CC2D2B: variants seen among roughly 807,000 people sequenced by gnomAD.
CC2D2B encodes protein CC2D2B.
A neutral mutation model predicts 161.2 loss-of-function variants in CC2D2B; 128 were observed. That is an observed-to-expected ratio of 0.79 (90% CI 0.69 to 0.92). CC2D2B has a LOEUF of 0.92. Among genes scored for constraint, CC2D2B ranks in the 40% least tolerant of loss-of-function variants. The pLI, the probability that CC2D2B is intolerant of heterozygous loss-of-function variation, is 0.00. For missense variants in CC2D2B, 1,173 were observed against 1,375.1 expected, an observed-to-expected ratio of 0.85 and a Z score of 2.32; for synonymous variants, 391 against 449.8, an observed-to-expected ratio of 0.87 and a Z score of 1.65.
At chr10:95,955,204 T>C (rs980228433) in intron 10 of CC2D2B, among the ~76,000 whole-genome samples, 190 bp from the exon 11 acceptor site, 1 of 152,056 alleles carries the variant, frequency 6.6e-6, no homozygotes, top group African/African-American at 2.4e-5. Context: ...ATTGCCTACA[T>C]AGATATTGAG....
rs542380906 is a variant in CC2D2B, at chr10:96,012,519, C to T, written c.3229-13C>T. 1.7e-5 allele frequency: 26 copies of T among 1,549,906 alleles called. No individual in the cohort carries two copies. In the Middle Eastern group the frequency reaches 5.1e-4, roughly 30 times the overall value. On this transcript the variant is annotated splice_polypyrimidine_tract_variant and intron_variant, in intron 27 of 34. Coordinates refer to ENST00000646931, the MANE Select transcript of CC2D2B (RefSeq NM_001349008.3). Reference sequence around the variant, plus strand: ...TACAGTACAATTCTGAAATACTTTACATTTTATTGTAGTTTTTAGATCAAA... The same window carrying T: ...TACAGTACAATTCTGAAATACTTTATATTTTATTGTAGTTTTTAGATCAAA...
At chr10:95,960,623 C>T (rs2076729705) in intron 11 of CC2D2B, among the ~76,000 whole-genome samples, 1 of 152,122 alleles carries the variant, frequency 6.6e-6, no homozygotes, top group Admixed American at 6.6e-5. Flanking sequence ...AGTGGTCCTC[C>T]CACCTCAGTC....
intron 23 of CC2D2B, among the ~76,000 whole-genome samples, chr10:95,995,796 A>G (rs182801862): frequency 9.3e-4 from 141 of 152,298 alleles, no homozygotes; most frequent in Non-Finnish European, 1.1e-3. Flanking sequence ...TGCTCTCCTT[A>G]TTGTCACCCC....
chr10:96,024,757 G>A (rs1289863231), intron 32 of CC2D2B, 96 bp from the exon 33 acceptor site: 4 of 647,164 alleles, frequency 6.2e-6, no homozygotes, highest in South Asian at 5.7e-5. Flanking sequence ...CAGAAGCCTG[G>A]TTTGTCTTCC....
At chr10:95,929,115 C>A (rs182438983) in intron 6 of CC2D2B, among the ~76,000 whole-genome samples, 4 of 152,286 alleles carry the variant, frequency 2.6e-5, no homozygotes, top group African/African-American at 9.6e-5. Flanking sequence ...GATGGTATCT[C>A]ATTGTGGCTT....
chr10:96,005,441 T>A (rs900342318), intron 25 of CC2D2B, among the ~76,000 whole-genome samples: 1 of 152,190 alleles, frequency 6.6e-6, no homozygotes, highest in African/African-American at 2.4e-5. Flanking sequence ...TTAGGGTAGC[T>A]ATGGGCCAAA....
intron 19 of CC2D2B, among the ~76,000 whole-genome samples, chr10:95,987,796 G>T (rs2077790806): frequency 6.6e-6 from 1 of 152,108 alleles, no homozygotes; most frequent in Non-Finnish European, 1.5e-5. Context: ...GAGGAAAGTG[G>T]GGTCTGGAGC....
chr10:96,011,773 ACAC>A (rs1354718421), intron 26 of CC2D2B, among the ~76,000 whole-genome samples: 1 of 151,538 alleles, frequency 6.6e-6, no homozygotes, highest in Non-Finnish European at 1.5e-5. Flanking sequence ...ACACACACAC[ACAC>A]AATTTCTCCT....
rs1333373763 is a variant in CC2D2B, at chr10:95,994,724, C to CA, written c.2643-544dup. On this transcript the variant is annotated intron_variant, in intron 22 of 34. Transcript: ENST00000646931. ...TAGGTCACTTCTCACAATGTCCCTTCAGCATCTGACCCTATACCCGCCGGT... is the reference window on the plus strand; with the variant it reads ...TAGGTCACTTCTCACAATGTCCCTTCAAGCATCTGACCCTATACCCGCCGGT... Among the ~76,000 whole-genome samples, 5 of 152,210 alleles carry CA rather than the reference C, an allele frequency of 3.3e-5. No individual in the cohort carries two copies. In the East Asian group the frequency reaches 9.6e-4, roughly 29 times the overall value.
chr10:95,995,872 C>T (rs2078212401), intron 23 of CC2D2B, among the ~76,000 whole-genome samples: 1 of 152,212 alleles, frequency 6.6e-6, no homozygotes, highest in Non-Finnish European at 1.5e-5. Flanking sequence ...TTATTTCTCA[C>T]ATTTCATTGC....
chr10:95,916,348 A>G (rs2098516326), intron 2 of CC2D2B, among the ~76,000 whole-genome samples: 1 of 152,018 alleles, frequency 6.6e-6, no homozygotes, highest in Admixed American at 6.6e-5. Context: ...TTTCAAAAAA[A>G]CAACTTTTTG....
At chr10:95,907,830 G>C (rs912463603), upstream of CC2D2B, 1 of 152,584 alleles carries the variant, frequency 6.6e-6, no homozygotes, top group East Asian at 1.9e-4. Flanking sequence ...GCGGCGAACA[G>C]ACTTGGCGCA....
At chr10:95,972,885 G>A (rs560531768) in intron 16 of CC2D2B, among the ~76,000 whole-genome samples, 47 of 152,196 alleles carry the variant, frequency 3.1e-4, no homozygotes, top group Admixed American at 9.8e-4. Context: ...TATAGGGAAG[G>A]GAAGAAGAAA....
intron 17 of CC2D2B, among the ~76,000 whole-genome samples, chr10:95,981,135 T>G (rs2077504123): frequency 6.6e-6 from 1 of 152,204 alleles, no homozygotes; most frequent in Non-Finnish European, 1.5e-5. Context: ...GGCTCATGCC[T>G]GTAATCCCAG....
Position 95,938,671 on chromosome 10 carries a change from A to G in CC2D2B, c.638A>G (p.Asn213Ser). 1.4e-6 allele frequency: 1 copy of G among 713,868 alleles called. No homozygotes were observed. Among genetic ancestry groups the G allele is most frequent in the Non-Finnish European group, 2.6e-6 (1 of 383,904 alleles). 44.2% of individuals were successfully genotyped at this position (713,868 alleles called of 1,614,324 possible). A position where few individuals can be genotyped will look rare whatever the true frequency, so the allele number is the denominator to read the frequency against. ...CCAGAAATATACAAAAAGACCTGCAACAAAATGGAAAATCGCCTGCTTAAA... is the reference window on the plus strand; with the variant it reads ...CCAGAAATATACAAAAAGACCTGCAGCAAAATGGAAAATCGCCTGCTTAAA... The part of the protein sequence containing the change: ...RKPEIYKKTC[N>S]KMENRLLKLE... Residue 213 changes from asparagine (N) to serine (S), a missense_variant, in exon 8 of 35, where the codon AAC becomes AGC. By Grantham distance (46) the Asn-to-Ser change is conservative. Transcript: ENST00000646931.
At chr10:95,934,925 C>T (rs1307365258) in intron 6 of CC2D2B, among the ~76,000 whole-genome samples, 6 of 152,148 alleles carry the variant, frequency 3.9e-5, no homozygotes, top group Non-Finnish European at 7.4e-5. Context: ...GGCTGGAGTG[C>T]AGTGGCATGA....
chr10:95,966,040 A>G (rs557523699), intron 13 of CC2D2B, 42 bp downstream of exon 13: 101 of 815,360 alleles, frequency 1.2e-4, no homozygotes, highest in Non-Finnish European at 1.5e-4. Flanking sequence ...ACTAGTTATA[A>G]TATTTTATTT....
intron 14 of CC2D2B, among the ~76,000 whole-genome samples, chr10:95,967,474 C>T (rs2076978696): frequency 6.6e-6 from 1 of 152,070 alleles, no homozygotes; most frequent in South Asian, 2.1e-4. Flanking sequence ...CTATTTAACA[C>T]ACCCAGTAGA....
In CC2D2B at chr10:96,004,099, A is replaced by G. The variant is rs1034744261; in HGVS notation, c.2850-53A>G. 3.9e-6 allele frequency: 4 copies of G among 1,027,462 alleles called. No individual in the cohort carries two copies. In the African/African-American group the frequency reaches 6.8e-5, roughly 17 times the overall value. The allele number at this position is 1,027,462 out of a possible 1,614,324, so 63.6% of individuals were successfully genotyped here. A position where few individuals can be genotyped will look rare whatever the true frequency, so the allele number is the denominator to read the frequency against. ...TCTTTATGAATAGTGCTCTTAGGAA[A>G]TAAGTGGATTTTGAGAAAATTAAGC... is the stretch of plus-strand genomic sequence containing the variant. On this transcript the variant is annotated intron_variant, in intron 24 of 34. Coordinates refer to ENST00000646931, the MANE Select transcript of CC2D2B (RefSeq NM_001349008.3).
Sources: gnomAD v4.1 joint callset for allele counts (sites outside exome capture counted in the v4.1 genomes callset) on GRCh38, gnomAD v4.1.1 for gene constraint, MANE v1.5 for transcripts, NCBI Gene and HGNC (gene_info 2026-07-23, HGNC 2026-07-21) for gene names.